The following RAB38 variants were observed in gnomAD, a reference collection of about 807,000 sequenced individuals.
The protein encoded by RAB38 is ras-related protein Rab-38.
RAB38 carries 15 observed loss-of-function variants against 18.4 expected under a neutral mutation model. The ratio of observed to expected loss-of-function variants is 0.82; its 90% confidence interval spans 0.55 to 1.26. The LOEUF is 1.26. RAB38 is among the 50% of genes most tolerant of loss of function. The pLI, the probability that RAB38 is intolerant of heterozygous loss-of-function variation, is 0.00. For missense variants in RAB38, 294 were observed against 267.4 expected, an observed-to-expected ratio of 1.10 and a Z score of -0.69; for synonymous variants, 101 against 104.4, an observed-to-expected ratio of 0.97 and a Z score of 0.20.
the RAB38 span, among the ~76,000 whole-genome samples, chr11:88,043,126 AG>A: frequency 2.6e-5 from 4 of 152,218 alleles, no homozygotes; most frequent in Non-Finnish European, 4.4e-5. Flanking sequence ...ATCATCTAGA[AG>A]GACCATCTCT....
At chr11:87,977,389 T>G in the RAB38 span, among the ~76,000 whole-genome samples, 216 of 45,930 alleles carry the variant, frequency 4.7e-3, 3 homozygotes, top group East Asian at 8.7e-3. Context: ...TAAAATATAA[T>G]TATATATATA....
chr11:88,069,276 C>T, the RAB38 span, among the ~76,000 whole-genome samples: 1 of 152,200 alleles, frequency 6.6e-6, no homozygotes, highest in African/African-American at 2.4e-5. Context: ...TGGGCCTCAG[C>T]CACCTCCCCA....
chr11:88,092,835 G>A, the RAB38 span, among the ~76,000 whole-genome samples: 19 of 151,866 alleles, frequency 1.3e-4, no homozygotes, highest in African/African-American at 3.9e-4. Flanking sequence ...CTACTTCAGA[G>A]GTAGTATAAA....
At position 88,175,390 on chromosome 11, in the gene RAB38, C is replaced by T. The variant is rs975777995; in HGVS notation, c.-6G>A. 1.2e-6 allele frequency: 2 copies of T among 1,613,242 alleles called. No individual in the cohort carries two copies. The highest frequency in any genetic ancestry group is 1.7e-6 in the Non-Finnish European group (2 of 1,179,478). ...TCCTTGTGCGGGGCCTGCATCCTGG[C>T]GGCCGGCCAGACGTGCCGTGCCTGA... is the stretch of plus-strand genomic sequence containing the variant. On this transcript the variant is annotated 5_prime_UTR_variant, in exon 1 of 3. Transcript: ENST00000243662.
chr11:88,043,727 C>T, the RAB38 span, among the ~76,000 whole-genome samples: 1 of 152,174 alleles, frequency 6.6e-6, no homozygotes, highest in East Asian at 1.9e-4. Context: ...AGCCCGCCTG[C>T]ACCCAGGTGA....
chr11:87,927,846 C>G, the RAB38 span, among the ~76,000 whole-genome samples: 2 of 151,906 alleles, frequency 1.3e-5, no homozygotes, highest in African/African-American at 4.8e-5. Context: ...GCAGGAGGAT[C>G]ATTTGAGCCC....
At chr11:88,023,170 G>GA in the RAB38 span, among the ~76,000 whole-genome samples, 1 of 151,654 alleles carries the variant, frequency 6.6e-6, no homozygotes. Context: ...AAAAATGAGA[G>GA]AAAAATGTTA....
intron 1 of RAB38, among the ~76,000 whole-genome samples, chr11:88,153,934 A>T (rs1392764931): frequency 6.6e-6 from 1 of 152,236 alleles, no homozygotes; most frequent in Non-Finnish European, 1.5e-5. Flanking sequence ...GAAAATGGGA[A>T]TCCACCAGGA....
At chr11:88,003,914 A>T in the RAB38 span, among the ~76,000 whole-genome samples, 57 of 111,322 alleles carry the variant, frequency 5.1e-4, no homozygotes, top group African/African-American at 1.8e-3. Context: ...ATATATTTAT[A>T]TAAAGATATA....
At chr11:87,919,375 TTA>T in the RAB38 span, among the ~76,000 whole-genome samples, 3 of 151,984 alleles carry the variant, frequency 2.0e-5, no homozygotes, top group Non-Finnish European at 4.4e-5. Flanking sequence ...TAGTTTTTTT[TTA>T]TTTTATTAAT....
the RAB38 span, among the ~76,000 whole-genome samples, chr11:87,886,897 A>C: frequency 6.7e-6 from 1 of 149,850 alleles, no homozygotes; most frequent in Non-Finnish European, 1.5e-5. Flanking sequence ...TTCAATGGAT[A>C]TATATTGCAT....
the RAB38 span, among the ~76,000 whole-genome samples, chr11:87,868,608 A>AGAGG: frequency 6.1e-4 from 63 of 103,062 alleles, 2 homozygotes; most frequent in Middle Eastern, 6.3e-3. Flanking sequence ...AGAGAGAGAG[A>AGAGG]GAGAGAGAGA....
At chr11:88,003,991 A>T in the RAB38 span, among the ~76,000 whole-genome samples, 1 of 130,946 alleles carries the variant, frequency 7.6e-6, no homozygotes, top group Non-Finnish European at 1.6e-5. Context: ...ATATAGGTAT[A>T]TATATATATA....
At chr11:88,011,185 G>A in the RAB38 span, among the ~76,000 whole-genome samples, 2 of 152,158 alleles carry the variant, frequency 1.3e-5, no homozygotes, top group South Asian at 2.1e-4. Context: ...CACTTAATAT[G>A]TGTAAGACAC....
chr11:87,872,516 G>T, the RAB38 span, among the ~76,000 whole-genome samples: 969 of 151,484 alleles, frequency 6.4e-3, 8 homozygotes, highest in Non-Finnish European at 0.011. Context: ...TATGGGTTTT[G>T]ACAAATGTGT....
the RAB38 span, among the ~76,000 whole-genome samples, chr11:87,911,181 A>G: frequency 2.0e-5 from 3 of 152,070 alleles, no homozygotes; most frequent in Non-Finnish European, 4.4e-5. Context: ...TAACTACACT[A>G]TAGTCTTAAA....
the RAB38 span, among the ~76,000 whole-genome samples, chr11:87,930,119 A>G: frequency 1.4e-4 from 22 of 152,184 alleles, 1 homozygote; most frequent in South Asian, 4.4e-3. Context: ...TTCTAGTTCT[A>G]GATCCCTGAG....
At chr11:88,160,739 T>C (rs1181084236) in intron 1 of RAB38, among the ~76,000 whole-genome samples, 1 of 152,060 alleles carries the variant, frequency 6.6e-6, no homozygotes, top group African/African-American at 2.4e-5. Flanking sequence ...AACAGAAAAC[T>C]AAATACTGCA....
At chr11:87,814,740 C>CTTTTTT in the RAB38 span, among the ~76,000 whole-genome samples, 1 of 146,660 alleles carries the variant, frequency 6.8e-6, no homozygotes, top group Non-Finnish European at 1.5e-5. Context: ...TTTTCTTTTT[C>CTTTTTT]TTTTTTTTTT....
Sources: allele counts gnomAD v4.1 joint callset (sites outside exome capture counted in the v4.1 genomes callset), GRCh38; gene constraint gnomAD v4.1.1; transcripts MANE v1.5; gene names NCBI Gene and HGNC (gene_info 2026-07-23, HGNC 2026-07-21).